The following LRRC24 variants were observed in gnomAD, a reference collection of about 807,000 sequenced individuals.
LRRC24 encodes the protein leucine-rich repeat-containing protein 24.
LRRC24 carries 19 observed loss-of-function variants against 15.3 expected under a neutral mutation model. That is an observed-to-expected ratio of 1.25 (90% CI 0.87 to 1.83). The LOEUF is 1.83. Ranked by LOEUF, LRRC24 falls within the 40% of genes most tolerant of loss-of-function variation. The pLI is 0.00. For synonymous variants in LRRC24, 469 were observed against 359.6 expected (o/e 1.30, Z -3.44); for missense variants, 914 against 723.9 (o/e 1.26, Z -3.01).
At position 144,524,954 on chromosome 8, in the gene LRRC24, T is replaced by G. The variant is rs1225607943; in HGVS notation, c.21A>C (p.Ala7=). The G allele has an allele frequency of 8.1e-6, 12 of 1,487,894 alleles. No homozygotes were observed. The highest frequency in any genetic ancestry group is 1.1e-5 in the Non-Finnish European group (12 of 1,120,302). 92.2% of individuals were successfully genotyped at this position (1,487,894 alleles called of 1,614,324 possible). The change falls in exon 2 of 5, where the codon GCA becomes GCC. Residue 7 remains alanine (A), a synonymous_variant. Coordinates refer to ENST00000529415, the MANE Select transcript of LRRC24 (RefSeq NM_001024678.4). ...GTAGTAGCAGCAGCAGCGGCAGCAG[T>G]GCGGGGGCCCTCAGGGCCATCTCCC... The part of the protein sequence containing the change: MALRAP[A]LLPLLLLLLP...
chr8:144,524,609 C>A lies in LRRC24; in HGVS notation c.270G>T (p.Glu90Asp), dbSNP rs760858349. 3.3e-6 allele frequency: 5 copies of A among 1,525,212 alleles called. No homozygotes were observed. In the African/African-American group the frequency reaches 7.0e-5, roughly 21 times the overall value. 94.5% of individuals were successfully genotyped at this position (1,525,212 alleles called of 1,614,324 possible). A position where few individuals can be genotyped will look rare whatever the true frequency, so the allele number is the denominator to read the frequency against. Residue 90 changes from glutamate (E) to aspartate (D), a missense_variant, in exon 3 of 5, where the codon GAG becomes GAT. Physicochemically the swap from Glu to Asp is conservative, Grantham distance 45. Transcript: ENST00000529415. ...YLHNNSLRAL[E>D]AGAFRAQPRL... ...GCGGCTGCGCGCGGAAGGCGCCGGCCTCCAGGGCGCGCAGGCTGTTGTTGT... is the reference window on the plus strand; with the variant it reads ...GCGGCTGCGCGCGGAAGGCGCCGGCATCCAGGGCGCGCAGGCTGTTGTTGT...
chr8:144,524,674 C>T lies in LRRC24; in HGVS notation c.205G>A (p.Ala69Thr). 1 of 1,481,330 alleles carries T rather than the reference C, an allele frequency of 6.8e-7. No homozygotes were observed. Among genetic ancestry groups the T allele is most frequent in the Non-Finnish European group, 8.9e-7 (1 of 1,126,888 alleles). The allele number at this position is 1,481,330 out of a possible 1,614,324, so 91.8% of individuals were successfully genotyped here. A position where few individuals can be genotyped will look rare whatever the true frequency, so the allele number is the denominator to read the frequency against. ...CGCAGAGCGGCGAGTGGCGCCAGGG[C>T]TCCCGGCTCTAGGCGGGCGATGTTG... ...DNNIARLEPG[A>T]LAPLAALRRL... Residue 69 changes from alanine (A) to threonine (T), a missense_variant, in exon 3 of 5, where the codon GCC (alanine) becomes ACC (threonine). Ala to Thr is a moderately conservative substitution (Grantham distance 58). Coordinates refer to ENST00000529415, the MANE Select transcript of LRRC24 (RefSeq NM_001024678.4).
rs1357289901 is a variant in LRRC24, at chr8:144,523,314, T to G, written c.703A>C (p.Met235Leu). ...GCCAGGCGCGGGGGCTCTGCACACA[T>G]GATCTTCCTGTCCCTGGAGGTGAGC... is the stretch of plus-strand genomic sequence containing the variant. Reference protein sequence around the residue: ...RLLTSRDRKIMCAEPPRLALQ... With the variant: ...RLLTSRDRKILCAEPPRLALQ... The change falls in exon 5 of 5, where the codon ATG becomes CTG. Residue 235 changes from methionine to leucine, a missense_variant. Physicochemically the swap from Met to Leu is conservative, Grantham distance 15 (BLOSUM62 2). Transcript: ENST00000529415. 6.2e-7 allele frequency: 1 copy of G among 1,609,448 alleles called. No homozygotes were observed. The highest frequency in any genetic ancestry group is 1.1e-5 in the South Asian group (1 of 90,854).
At position 144,522,699 on chromosome 8, in the gene LRRC24, C is replaced by G. The variant is rs896257288; in HGVS notation, c.1318G>C (p.Gly440Arg). ...RRRKKARGPP[G>R]EGALFVNDYL... is the part of the protein sequence containing the mutation. ...TCGTTGACGAACAGCGCTCCCTCCC[C>G]CGGAGGCCCCCGCGCCTTTTTTCGC... is the stretch of plus-strand genomic sequence containing the variant. The change falls in exon 5 of 5, where the codon GGG (glycine) becomes CGG (arginine). Residue 440 changes from glycine to arginine, a missense_variant. Physicochemically the swap from Gly to Arg is moderately radical, Grantham distance 125. Transcript: ENST00000529415. The G allele has an allele frequency of 4.4e-6, 7 of 1,596,070 alleles. No homozygotes were observed. The highest frequency in any genetic ancestry group is 1.7e-5 in the Admixed American group (1 of 58,290).
chr8:144,523,035 C>A lies in LRRC24; in HGVS notation c.982G>T (p.Gly328Cys). ...GTGATGTTGCTGAGGAAGAGCATGCCGCTGCCCGTGTCGGATGCCGAGTGT... is the reference window on the plus strand; with the variant it reads ...GTGATGTTGCTGAGGAAGAGCATGCAGCTGCCCGTGTCGGATGCCGAGTGT... ...GGHSASDTGS[G>C]MLFLSNITLA... The change falls in exon 5 of 5, where the codon GGC (glycine) becomes TGC (cysteine). Residue 328 changes from glycine (G) to cysteine (C), a missense_variant. Transcript: ENST00000529415. 1 of 1,601,568 alleles carries A rather than the reference C, an allele frequency of 6.2e-7. No individual in the cohort carries two copies. The highest frequency in any genetic ancestry group is 8.5e-7 in the Non-Finnish European group (1 of 1,175,972).
At position 144,524,815 on chromosome 8, in the gene LRRC24, C is replaced by T. The variant is rs1388338511; in HGVS notation, c.159+1G>A. 2.0e-6 allele frequency: 3 copies of T among 1,465,164 alleles called. No individual in the cohort carries two copies. In the South Asian group the frequency reaches 4.0e-5, roughly 19 times the overall value. 90.8% of individuals were successfully genotyped at this position (1,465,164 alleles called of 1,614,324 possible). A position where few individuals can be genotyped will look rare whatever the true frequency, so the allele number is the denominator to read the frequency against. The stretch of plus-strand genomic sequence containing the variant: ...CTCCCGCAGCTCCACACGGTGCCCA[C>T]CTGCGTCCCTGGCGGGATTCCCAGC... On this transcript the variant is annotated splice_donor_variant, in intron 2 of 4. Transcript: ENST00000529415. LOFTEE classifies it high-confidence loss of function.
intron 1 of LRRC24, 59 bp from the exon 2 acceptor site, chr8:144,525,092 G>A: frequency 8.6e-7 from 1 of 1,163,184 alleles, no homozygotes; most frequent in Non-Finnish European, 1.1e-6. Context: ...TAGATGGAAT[G>A]GAGGCCTGCA....
Position 144,522,966 on chromosome 8 carries a change from C to T in LRRC24, c.1051G>A (p.Gly351Ser). The change falls in exon 5 of 5, where the codon GGC becomes AGC. Residue 351 changes from glycine to serine, a missense_variant. Gly to Ser is a moderately conservative substitution (Grantham distance 56, BLOSUM62 0). Coordinates refer to ENST00000529415, the MANE Select transcript of LRRC24 (RefSeq NM_001024678.4). ...CGGAAGGGCACGCGGGCAGCGCCGC[C>T]GGCGTTGGAGGCCTCGCACTCGTAC... ...GKYECEASNA[G>S]GAARVPFRLL... 6.3e-7 allele frequency: 1 copy of T among 1,580,922 alleles called. No homozygotes were observed. The highest frequency in any genetic ancestry group is 1.1e-5 in the South Asian group (1 of 89,388).
Position 144,523,406 on chromosome 8 carries a change from T to G in LRRC24, c.611A>C (p.Asn204Thr). Residue 204 changes from asparagine (N) to threonine (T), a missense_variant, in exon 5 of 5, where the codon AAC becomes ACC. Physicochemically the swap from Asn to Thr is moderately conservative, Grantham distance 65. Coordinates refer to ENST00000529415, the MANE Select transcript of LRRC24 (RefSeq NM_001024678.4). ...CAGGGCGCAGTCACAGCGCCATGGG[T>G]TCTCTGTGGGAGAGCAGCGTTAGGC... ...ASLQVLRLTENPWRCDCALHW... is the reference protein window; with the variant it reads ...ASLQVLRLTETPWRCDCALHW... 6.5e-7 allele frequency: 1 copy of G among 1,529,136 alleles called. No individual in the cohort carries two copies. The highest frequency in any genetic ancestry group is 8.8e-7 in the Non-Finnish European group (1 of 1,138,526). The allele number at this position is 1,529,136 out of a possible 1,614,324, so 94.7% of individuals were successfully genotyped here. A position where few individuals can be genotyped will look rare whatever the true frequency, so the allele number is the denominator to read the frequency against.
intron 4 of LRRC24, chr8:144,523,672 C>T: frequency 2.2e-6 from 1 of 461,942 alleles, no homozygotes; most frequent in Non-Finnish European, 3.7e-6. Flanking sequence ...AGCACCTGCT[C>T]CTTAAGTCTT....
intron 3 of LRRC24, 23 bp downstream of exon 3, chr8:144,524,418 C>T (rs1284406498): frequency 1.1e-5 from 17 of 1,596,474 alleles, no homozygotes; most frequent in African/African-American, 1.3e-5. Flanking sequence ...AGTATCCCGC[C>T]CCTTTAGACC....
Position 144,524,464 on chromosome 8 carries a change from C to T in LRRC24, c.415G>A (p.Asp139Asn), listed in dbSNP as rs756405319. 2.1e-5 allele frequency: 34 copies of T among 1,597,852 alleles called. No individual in the cohort carries two copies. In the South Asian group the frequency reaches 3.1e-4, roughly 14 times the overall value. ...LAGNQLARLL[D>N]FTFLHLPRLQ... ...ACCGGCAGGTGCAAGAAGGTGAAAT[C>T]CAGCAGCCGCGCCAGCTGGTTGCCC... The change falls in exon 3 of 5, where the codon GAT (aspartate) becomes AAT (asparagine). Residue 139 changes from aspartate to asparagine, a missense_variant. By Grantham distance (23) the Asp-to-Asn change is conservative. Coordinates refer to ENST00000529415, the MANE Select transcript of LRRC24 (RefSeq NM_001024678.4).
In LRRC24 at chr8:144,524,382, C is replaced by T. The variant is rs537165234; in HGVS notation, c.438+59G>A. The T allele has an allele frequency of 1.5e-3, 2,347 of 1,593,930 alleles. 2 individuals are homozygous for T. The highest frequency in any genetic ancestry group is 1.9e-3 in the Non-Finnish European group (2,186 of 1,176,918). ...GGGTTGCCTTTTCTAACTATTCCAGCCCTACAGGGCGAGGGGCCATAATGG... is the reference window on the plus strand; with the variant it reads ...GGGTTGCCTTTTCTAACTATTCCAGTCCTACAGGGCGAGGGGCCATAATGG... On this transcript the variant is annotated intron_variant, in intron 3 of 4. Coordinates refer to ENST00000529415, the MANE Select transcript of LRRC24 (RefSeq NM_001024678.4).
rs756757426 is a variant in LRRC24, at chr8:144,523,087, T to C, written c.930A>G (p.Leu310=). Reference sequence around the variant, plus strand: ...CGCCCAGGCCCAGCAACCCGCCTTCTAGCTGGGCCTGGGCTCGCGGCCGGC... The same window carrying C: ...CGCCCAGGCCCAGCAACCCGCCTTCCAGCTGGGCCTGGGCTCGCGGCCGGC... The part of the protein sequence containing the change: ...REGRPRAQAQ[L]EGGLLGLGGH... The change falls in exon 5 of 5, where the codon CTA becomes CTG. Residue 310 remains leucine, a synonymous_variant. Coordinates refer to ENST00000529415, the MANE Select transcript of LRRC24 (RefSeq NM_001024678.4). 32 of 1,608,156 alleles carry C rather than the reference T, an allele frequency of 2.0e-5. No individual in the cohort carries two copies. Among genetic ancestry groups the C allele is most frequent in the Middle Eastern group, 3.3e-4 (2 of 6,070 alleles).
intron 2 of LRRC24, 44 bp from the exon 3 acceptor site, chr8:144,524,763 T>A (rs779923453): frequency 7.0e-7 from 1 of 1,432,428 alleles, no homozygotes; most frequent in Admixed American, 2.9e-5. Context: ...GTTGCGGGGG[T>A]CTTCCTCTCC....
Position 144,524,720 on chromosome 8 carries a change from C to G in LRRC24, c.160-1G>C. On this transcript the variant is annotated splice_acceptor_variant, in intron 2 of 4. Transcript: ENST00000529415. LOFTEE classifies it high-confidence loss of function. ...TGTTGTTGTCCTGCAGGAACAGTGT[C>G]TGCAGGCCGGGGAAAGAGGAGGCGC... 6.9e-7 allele frequency: 1 copy of G among 1,448,894 alleles called. No individual in the cohort carries two copies. Among genetic ancestry groups the G allele is most frequent in the Non-Finnish European group, 9.0e-7 (1 of 1,108,314 alleles). The allele number at this position is 1,448,894 out of a possible 1,614,324, so 89.8% of individuals were successfully genotyped here. A position where few individuals can be genotyped will look rare whatever the true frequency, so the allele number is the denominator to read the frequency against.
chr8:144,525,459 C>G (rs1816328862), intron 1 of LRRC24, among the ~76,000 whole-genome samples: 1 of 152,130 alleles, frequency 6.6e-6, no homozygotes, highest in Admixed American at 6.5e-5. Flanking sequence ...GTGACAAAGC[C>G]CGGGGTCCCA....
rs774339548 is a variant in LRRC24, at chr8:144,523,119, G to C, written c.898C>G (p.Arg300Gly). Residue 300 changes from arginine to glycine, a missense_variant, in exon 5 of 5, where the codon CGC (arginine) becomes GGC (glycine). Physicochemically the swap from Arg to Gly is moderately radical, Grantham distance 125 (BLOSUM62 -2). Coordinates refer to ENST00000529415, the MANE Select transcript of LRRC24 (RefSeq NM_001024678.4). ...GCCTGGGCTCGCGGCCGGCCCTCGC[G>C]AGGCTGGGGCACCTTTCTCCAGGTC... ...LVTWRKVPQPREGRPRAQAQL... is the reference protein window; with the variant it reads ...LVTWRKVPQPGEGRPRAQAQL... 3 of 1,609,662 alleles carry C rather than the reference G, an allele frequency of 1.9e-6. No homozygotes were observed. The African/African-American group carries it at 4.0e-5, about 21-fold the overall frequency.
intron 4 of LRRC24, chr8:144,523,666 C>A (rs749625820): frequency 6.1e-5 from 29 of 475,202 alleles, no homozygotes; most frequent in Admixed American, 1.2e-4. Context: ...TGAGAAAGCA[C>A]CTGCTCCTTA....
Sources: allele counts gnomAD v4.1 joint callset (sites outside exome capture counted in the v4.1 genomes callset), GRCh38; gene constraint gnomAD v4.1.1; transcripts MANE v1.5; gene names NCBI Gene and HGNC (gene_info 2026-07-23, HGNC 2026-07-21).